VKORC1L1: variants seen among roughly 807,000 people sequenced by gnomAD.
VKORC1L1 encodes the protein vitamin K epoxide reductase complex subunit 1-like protein 1.
VKORC1L1 carries 2 observed loss-of-function variants against 18.9 expected under a neutral mutation model. That is an observed-to-expected ratio of 0.11 (90% CI 0.04 to 0.33). The LOEUF (loss-of-function observed/expected upper bound fraction) is 0.33, where lower values mean the gene tolerates loss of function less well. Ranked by LOEUF, VKORC1L1 falls within the 10% of genes least tolerant of loss-of-function variation. VKORC1L1 has a pLI of 1.00. For missense variants in VKORC1L1, 123 were observed against 224.1 expected, an observed-to-expected ratio of 0.55 and a Z score of 2.88; for synonymous variants, 96 against 100.0, an observed-to-expected ratio of 0.96 and a Z score of 0.24.
chr7:65,890,658 C>T (rs549743716), intron 1 of VKORC1L1, among the ~76,000 whole-genome samples: 1 of 152,348 alleles, frequency 6.6e-6, no homozygotes, highest in South Asian at 2.1e-4. Flanking sequence ...TTCAGTTTTA[C>T]TTGGTAATGC....
intron 1 of VKORC1L1, among the ~76,000 whole-genome samples, chr7:65,900,255 T>C (rs528316682): frequency 3.3e-5 from 5 of 151,406 alleles, no homozygotes; most frequent in Admixed American, 6.6e-5. Flanking sequence ...CCAGGCGTGG[T>C]GGCGGGCACC....
At chr7:65,876,137 C>T (rs1788823607) in intron 1 of VKORC1L1, among the ~76,000 whole-genome samples, 1 of 152,140 alleles carries the variant, frequency 6.6e-6, no homozygotes, top group African/African-American at 2.4e-5. Context: ...TTTTTCAATT[C>T]TACCATGTAC....
chr7:65,945,501 A>T (rs1346204485), intron 1 of VKORC1L1, among the ~76,000 whole-genome samples: 2 of 151,832 alleles, frequency 1.3e-5, no homozygotes, highest in Non-Finnish European at 2.9e-5. Context: ...AGTCCCAGCC[A>T]CTTGGGAGGC....
At chr7:65,932,924 A>G (rs909397854) in intron 1 of VKORC1L1, among the ~76,000 whole-genome samples, 50 of 152,204 alleles carry the variant, frequency 3.3e-4, no homozygotes, top group Non-Finnish European at 6.0e-4. Context: ...CTAAAAATAC[A>G]AAAATTAGCC....
chr7:65,947,795 A>T (rs1790146910), intron 1 of VKORC1L1, among the ~76,000 whole-genome samples: 1 of 151,382 alleles, frequency 6.6e-6, no homozygotes, highest in Non-Finnish European at 1.5e-5. Context: ...GGTTCAAGTG[A>T]TTCTCCTGCC....
intron 1 of VKORC1L1, among the ~76,000 whole-genome samples, chr7:65,940,544 G>A (rs1469452480): frequency 6.6e-6 from 1 of 152,116 alleles, no homozygotes; most frequent in Non-Finnish European, 1.5e-5. Flanking sequence ...GAAGAGATTG[G>A]AAGTCTTAGG....
intron 1 of VKORC1L1, among the ~76,000 whole-genome samples, chr7:65,887,158 A>C (rs1415005094): frequency 1.3e-5 from 2 of 151,914 alleles, no homozygotes; most frequent in Non-Finnish European, 2.9e-5. Context: ...CGGGAAGGTA[A>C]GAGTTTTGTT....
chr7:65,890,668 C>G (rs957224819), intron 1 of VKORC1L1, among the ~76,000 whole-genome samples: 14 of 152,186 alleles, frequency 9.2e-5, no homozygotes, highest in South Asian at 2.1e-4. Flanking sequence ...CTTGGTAATG[C>G]CAGACTATTT....
rs1789119289 is a variant in VKORC1L1 at position 65,892,114 on chromosome 7, G to T, written c.194+18549G>T. On this transcript the variant is annotated intron_variant, in intron 1 of 2. Coordinates refer to ENST00000360768, the MANE Select transcript of VKORC1L1 (RefSeq NM_173517.6). ...TTATCCATATTGTTGAAAATGACGG[G>T]ATTGCATTCATTCTCATGGCTGAAC... Among the ~76,000 whole-genome samples, 3 of 152,202 alleles carry T rather than the reference G, an allele frequency of 2.0e-5. No individual in the cohort carries two copies. In the South Asian group the frequency reaches 6.2e-4, roughly 32 times the overall value.
intron 1 of VKORC1L1, among the ~76,000 whole-genome samples, chr7:65,880,425 CAGAT>C (rs1788908476): frequency 6.6e-6 from 1 of 151,702 alleles, no homozygotes; most frequent in African/African-American, 2.4e-5. Context: ...AGTTAACTAA[CAGAT>C]AGACGGTGTA....
intron 1 of VKORC1L1, among the ~76,000 whole-genome samples, chr7:65,899,829 G>A (rs1320500068): frequency 3.3e-5 from 5 of 151,826 alleles, no homozygotes; most frequent in South Asian, 2.1e-4. Flanking sequence ...GAGAAACCCC[G>A]TCTCTACTAA....
chr7:65,928,137 A>G (rs1056053157), intron 1 of VKORC1L1, among the ~76,000 whole-genome samples: 3 of 152,142 alleles, frequency 2.0e-5, no homozygotes, highest in Non-Finnish European at 4.4e-5. Flanking sequence ...TTAAGCTTCT[A>G]TACAGTGATA....
chr7:65,895,898 T>TC (rs200692173), intron 1 of VKORC1L1, among the ~76,000 whole-genome samples: 57 of 142,088 alleles, frequency 4.0e-4, no homozygotes, highest in East Asian at 6.0e-4. Flanking sequence ...TCACTTCTTT[T>TC]TTTTTTTTTT....
chr7:65,878,456 A>C (rs1026492843), intron 1 of VKORC1L1, among the ~76,000 whole-genome samples: 1 of 152,026 alleles, frequency 6.6e-6, no homozygotes, highest in African/African-American at 2.4e-5. Flanking sequence ...TTACAAAAAA[A>C]AAAAAGAACC....
upstream of VKORC1L1, among the ~76,000 whole-genome samples, chr7:65,869,405 A>T (rs1477062826): frequency 6.6e-6 from 1 of 152,180 alleles, no homozygotes; most frequent in Non-Finnish European, 1.5e-5. Flanking sequence ...AGAATTTGCC[A>T]CAGAGGGCAA....
intron 1 of VKORC1L1, among the ~76,000 whole-genome samples, chr7:65,928,071 G>C (rs922098397): frequency 6.6e-6 from 1 of 151,820 alleles, no homozygotes; most frequent in Admixed American, 6.6e-5. Flanking sequence ...CCACATATAG[G>C]TTATTTTCTA....
In VKORC1L1 at chr7:65,958,231, T is replaced by C. The variant is rs1790334565; in HGVS notation, c.*3931T>C. 1 of 152,236 alleles carries C rather than the reference T, an allele frequency of 6.6e-6. No individual in the cohort carries two copies. Among genetic ancestry groups the C allele is most frequent in the Non-Finnish European group, 1.5e-5 (1 of 68,040 alleles). The allele number at this position is 152,236 out of a possible 1,614,324, so 9.4% of individuals were successfully genotyped here. A position where few individuals can be genotyped will look rare whatever the true frequency, so the allele number is the denominator to read the frequency against. ...TGGTTAAACATTTTTTACTACAAAT[T>C]CGCCCAGAAAAGGTGAAATATTTTG... On this transcript the variant is annotated 3_prime_UTR_variant, in exon 3 of 3. Transcript: ENST00000360768.
At chr7:65,886,684 C>T (rs1382243603) in intron 1 of VKORC1L1, among the ~76,000 whole-genome samples, 4 of 151,706 alleles carry the variant, frequency 2.6e-5, no homozygotes, top group East Asian at 1.9e-4. Context: ...ACTACAGGCG[C>T]CTGCCACCAT....
At chr7:65,938,542 G>C (rs1466133693) in intron 1 of VKORC1L1, among the ~76,000 whole-genome samples, 2 of 152,198 alleles carry the variant, frequency 1.3e-5, no homozygotes, top group African/African-American at 4.8e-5. Flanking sequence ...CACATCCTTT[G>C]TGAAATTTGA....
Sources: gnomAD v4.1 joint callset for allele counts (sites outside exome capture counted in the v4.1 genomes callset) on GRCh38, gnomAD v4.1.1 for gene constraint, MANE v1.5 for transcripts, NCBI Gene and HGNC (gene_info 2026-07-23, HGNC 2026-07-21) for gene names.